LHFPL6: variants seen among roughly 807,000 people sequenced by gnomAD.
LHFPL6 encodes the protein LHFPL tetraspan subfamily member 6 protein.
Under a neutral mutation model 20.6 loss-of-function variants are expected in LHFPL6, and 9 were observed. That is an observed-to-expected ratio of 0.44 (90% CI 0.26 to 0.76). The LOEUF (loss-of-function observed/expected upper bound fraction) is 0.76. Ranked by LOEUF, LHFPL6 falls within the 30% of genes least tolerant of loss-of-function variation. The probability of loss-of-function intolerance (pLI) is 0.20; values close to 1 mark genes in which losing one functional copy is unlikely to be tolerated. For missense variants in LHFPL6, 218 were observed against 253.5 expected, an observed-to-expected ratio of 0.86 and a Z score of 0.95; for synonymous variants, 105 against 98.7, an observed-to-expected ratio of 1.06 and a Z score of -0.38.
At chr13:39,463,814 G>A (rs1007987518) in intron 2 of LHFPL6, among the ~76,000 whole-genome samples, 6 of 152,144 alleles carry the variant, frequency 3.9e-5, no homozygotes, top group African/African-American at 1.4e-4. Context: ...TTGGTTGCAC[G>A]CAAGTTAACA....
At chr13:39,586,969 C>A (rs1872467354) in intron 2 of LHFPL6, among the ~76,000 whole-genome samples, 2 of 152,234 alleles carry the variant, frequency 1.3e-5, no homozygotes, top group South Asian at 2.1e-4. Context: ...CCAGCCTGAC[C>A]AGCATAGTGA....
intron 2 of LHFPL6, among the ~76,000 whole-genome samples, chr13:39,592,453 CA>C (rs1872636705): frequency 6.6e-6 from 1 of 152,176 alleles, no homozygotes; most frequent in Admixed American, 6.5e-5. Flanking sequence ...AGACCAATAA[CA>C]GGCTCTGAAA....
intron 3 of LHFPL6, among the ~76,000 whole-genome samples, chr13:39,348,511 A>C (rs1212619999): frequency 6.6e-6 from 1 of 152,126 alleles, no homozygotes; most frequent in African/African-American, 2.4e-5. Flanking sequence ...CCCTCATGAC[A>C]AACTGCACCC....
intron 2 of LHFPL6, among the ~76,000 whole-genome samples, chr13:39,506,149 A>G (rs1389616546): frequency 6.6e-6 from 1 of 152,188 alleles, no homozygotes; most frequent in Non-Finnish European, 1.5e-5. Context: ...CTTCCTTACA[A>G]TAACAGTTTC....
Position 39,482,019 on chromosome 13 carries a change from T to C in LHFPL6, c.386-103493A>G, listed in dbSNP as rs141644227. On this transcript the variant is annotated intron_variant, in intron 2 of 3. Transcript: ENST00000379589. ...TTCATTCCGGCCATGTTTTGTTGGA[T>C]GTAAAGTGCTTAGTAGGCAACTGGC... Among the ~76,000 whole-genome samples the C allele has an allele frequency of 2.3e-3, 349 of 152,290 alleles. 1 individual carries two copies. The highest frequency in any genetic ancestry group is 7.5e-3 in the African/African-American group (313 of 41,568).
intron 2 of LHFPL6, among the ~76,000 whole-genome samples, chr13:39,577,311 T>C (rs975837595): frequency 6.6e-6 from 1 of 152,180 alleles, no homozygotes; most frequent in Non-Finnish European, 1.5e-5. Flanking sequence ...GAGAAAGCAG[T>C]GTTCCTCCAA....
intron 2 of LHFPL6, among the ~76,000 whole-genome samples, chr13:39,528,816 T>G (rs1870370799): frequency 6.6e-6 from 1 of 152,222 alleles, no homozygotes; most frequent in African/African-American, 2.4e-5. Context: ...AAATTCATTT[T>G]TCCCCTCTGG....
At chr13:39,509,723 G>C (rs778590514) in intron 2 of LHFPL6, among the ~76,000 whole-genome samples, 3 of 152,184 alleles carry the variant, frequency 2.0e-5, no homozygotes, top group Non-Finnish European at 2.9e-5. Context: ...ACTGTAGGAG[G>C]CTGAGGAGGG....
chr13:39,451,565 T>G (rs887460142), intron 2 of LHFPL6, among the ~76,000 whole-genome samples: 1 of 152,210 alleles, frequency 6.6e-6, no homozygotes, highest in Non-Finnish European at 1.5e-5. Flanking sequence ...TGAGCTTGTT[T>G]TGAACTCAAA....
At chr13:39,446,314 T>G (rs1366001176) in intron 2 of LHFPL6, among the ~76,000 whole-genome samples, 1 of 152,170 alleles carries the variant, frequency 6.6e-6, no homozygotes, top group Non-Finnish European at 1.5e-5. Context: ...GCACTGTAAC[T>G]CCTACCACTC....
intron 2 of LHFPL6, among the ~76,000 whole-genome samples, chr13:39,463,637 G>A (rs1488843774): frequency 6.6e-6 from 1 of 152,048 alleles, no homozygotes; most frequent in Non-Finnish European, 1.5e-5. Flanking sequence ...CTCTACAGTT[G>A]GATGAGAAAA....
chr13:39,457,378 G>A (rs558597176), intron 2 of LHFPL6, among the ~76,000 whole-genome samples: 3 of 152,144 alleles, frequency 2.0e-5, no homozygotes, highest in South Asian at 2.1e-4. Flanking sequence ...ATGAAAAGAA[G>A]TTCAACATCA....
chr13:39,441,123 C>A (rs559666178), intron 2 of LHFPL6, among the ~76,000 whole-genome samples: 2 of 150,188 alleles, frequency 1.3e-5, no homozygotes, highest in African/African-American at 4.9e-5. Flanking sequence ...AGGCATGTGC[C>A]ACCATGCCAA....
intron 2 of LHFPL6, among the ~76,000 whole-genome samples, chr13:39,483,979 T>A (rs555118040): frequency 7.9e-5 from 12 of 152,326 alleles, no homozygotes; most frequent in Admixed American, 2.0e-4. Flanking sequence ...AATAAGTTAT[T>A]TTTCTTAATT....
chr13:39,448,224 T>C (rs1283449424), intron 2 of LHFPL6, among the ~76,000 whole-genome samples: 1 of 152,220 alleles, frequency 6.6e-6, no homozygotes, highest in Non-Finnish European at 1.5e-5. Flanking sequence ...ATAGCACTGT[T>C]ATTCAGGGTA....
chr13:39,473,757 A>G (rs979473237), intron 2 of LHFPL6, among the ~76,000 whole-genome samples: 1 of 152,236 alleles, frequency 6.6e-6, no homozygotes, highest in African/African-American at 2.4e-5. Flanking sequence ...AGACAAATTT[A>G]TAATTAGATG....
intron 2 of LHFPL6, among the ~76,000 whole-genome samples, chr13:39,538,989 T>C (rs1239616435): frequency 6.6e-6 from 1 of 152,186 alleles, no homozygotes. Flanking sequence ...TACTCAACTT[T>C]ACCATTGTGG....
chr13:39,387,640 A>G (rs979529168), intron 2 of LHFPL6, among the ~76,000 whole-genome samples: 8 of 152,076 alleles, frequency 5.3e-5, no homozygotes, highest in African/African-American at 1.9e-4. Flanking sequence ...CTATGCTCAT[A>G]AATCTACTCA....
chr13:39,565,851 C>T (rs1329046059), intron 2 of LHFPL6, among the ~76,000 whole-genome samples: 4 of 152,160 alleles, frequency 2.6e-5, no homozygotes, highest in African/African-American at 9.7e-5. Flanking sequence ...GGGTTCCAAC[C>T]CACTGTACGT....
Sources: gnomAD v4.1 joint callset for allele counts (sites outside exome capture counted in the v4.1 genomes callset) on GRCh38, gnomAD v4.1.1 for gene constraint, MANE v1.5 for transcripts, NCBI Gene and HGNC (gene_info 2026-07-23, HGNC 2026-07-21) for gene names.